Variants in LTBP1 observed in about 807,000 individuals in gnomAD.
LTBP1 encodes the protein latent transforming growth factor beta binding protein 1.
LTBP1 carries 129 observed loss-of-function variants against 207.6 expected under a neutral mutation model. That is an observed-to-expected ratio of 0.62 (90% CI 0.54 to 0.72). The LOEUF (loss-of-function observed/expected upper bound fraction) is 0.72. LTBP1 is among the 30% of genes least tolerant of loss of function. LTBP1 has a pLI of 0.00. For missense variants in LTBP1, 2,281 were observed against 2,217.2 expected (o/e 1.03, Z -0.58); for synonymous variants, 963 against 833.7 (o/e 1.16, Z -2.67).
chr2:33,057,466 G>A (rs1029229134), intron 3 of LTBP1, among the ~76,000 whole-genome samples: 9 of 152,234 alleles, frequency 5.9e-5, no homozygotes, highest in Non-Finnish European at 1.0e-4. Flanking sequence ...ACTGGGCGCC[G>A]TGGAGCAGGG....
intron 2 of LTBP1, among the ~76,000 whole-genome samples, chr2:32,961,718 G>A (rs1257829162): frequency 1.3e-5 from 2 of 152,120 alleles, no homozygotes; most frequent in African/African-American, 4.8e-5. Context: ...GGCTGAGGCT[G>A]GCGGATCACC....
chr2:33,324,816 C>T (rs929402593), intron 24 of LTBP1, among the ~76,000 whole-genome samples: 1 of 151,258 alleles, frequency 6.6e-6, no homozygotes, highest in Admixed American at 6.6e-5. Flanking sequence ...ATTCTCCTGC[C>T]TCACCCTCCT....
intron 7 of LTBP1, among the ~76,000 whole-genome samples, chr2:33,209,126 G>T (rs187006109): frequency 6.6e-6 from 1 of 152,168 alleles, no homozygotes; most frequent in African/African-American, 2.4e-5. Context: ...GCCTGCCTTG[G>T]CCTCCCAAAG....
chr2:32,951,892 A>G (rs1677165064), intron 2 of LTBP1, among the ~76,000 whole-genome samples: 1 of 152,206 alleles, frequency 6.6e-6, no homozygotes, highest in Non-Finnish European at 1.5e-5. Context: ...GGTATGGTTT[A>G]TTACACATAA....
chr2:33,229,336 G>A (rs932032090), intron 9 of LTBP1, among the ~76,000 whole-genome samples: 6 of 152,136 alleles, frequency 3.9e-5, no homozygotes, highest in Non-Finnish European at 7.4e-5. Flanking sequence ...TTTGCTGGGT[G>A]TGGTGGTGCA....
Position 33,021,127 on chromosome 2 carries a change from A to G in LTBP1, c.784A>G (p.Arg262Gly), listed in dbSNP as rs1349400218. 4 of 1,613,882 alleles carry G rather than the reference A, an allele frequency of 2.5e-6. No individual in the cohort carries two copies. Among genetic ancestry groups the G allele is most frequent in the African/African-American group, 1.3e-5 (1 of 74,916 alleles). Residue 262 changes from arginine (R) to glycine (G), a missense_variant, in exon 3 of 34, where the codon AGA becomes GGA. Around this residue, in one of 3 missense-constraint regions of LTBP1, gnomAD observed 555 missense variants for 491.0 expected, o/e 1.13. Transcript: ENST00000404816. ...TSSKKADTLP[R>G]VSPVAQMTLT... ...ATCTAAGAAGGCAGACACTCTACCA[A>G]GAGTCAGCCCTGTGGCCCAGATGAC...
At chr2:33,113,520 T>C (rs945911972) in intron 4 of LTBP1, among the ~76,000 whole-genome samples, 1 of 152,204 alleles carries the variant, frequency 6.6e-6, no homozygotes, top group Admixed American at 6.5e-5. Flanking sequence ...GTGCTTTCTT[T>C]TGGGAGGGAT....
At chr2:33,299,948 A>G (rs1019919137) in intron 20 of LTBP1, among the ~76,000 whole-genome samples, 1 of 152,234 alleles carries the variant, frequency 6.6e-6, no homozygotes, top group Non-Finnish European at 1.5e-5. Flanking sequence ...GTTACTTTGA[A>G]AATGAGCCAG....
At chr2:33,359,040 T>C (rs1423000939) in intron 26 of LTBP1, among the ~76,000 whole-genome samples, 1 of 152,208 alleles carries the variant, frequency 6.6e-6, no homozygotes, top group Non-Finnish European at 1.5e-5. Context: ...TAAAACCACT[T>C]CGTAAACTGC....
intron 9 of LTBP1, among the ~76,000 whole-genome samples, chr2:33,222,461 T>C (rs944509844): frequency 6.6e-6 from 1 of 152,226 alleles, no homozygotes; most frequent in African/African-American, 2.4e-5. Flanking sequence ...TTCATGGGCG[T>C]GTGCACACAT....
intron 5 of LTBP1, among the ~76,000 whole-genome samples, chr2:33,140,943 C>A (rs570498747): frequency 1.3e-5 from 2 of 152,326 alleles, no homozygotes; most frequent in East Asian, 3.9e-4. Context: ...GGATTACAGG[C>A]GTAAGCCACC....
At chr2:33,246,698 C>G (rs1223164597) in intron 10 of LTBP1, among the ~76,000 whole-genome samples, 2 of 152,112 alleles carry the variant, frequency 1.3e-5, no homozygotes, top group Admixed American at 6.5e-5. Flanking sequence ...CAAGGAACAA[C>G]GGGAAGCACT....
intron 2 of LTBP1, among the ~76,000 whole-genome samples, chr2:33,012,981 G>A (rs980111220): frequency 2.6e-5 from 4 of 152,268 alleles, no homozygotes; most frequent in Admixed American, 2.0e-4. Context: ...AAAGCTGGTA[G>A]TATCACTTTA....
chr2:33,316,424 AG>A (rs796581648), intron 24 of LTBP1, among the ~76,000 whole-genome samples: 22 of 152,370 alleles, frequency 1.4e-4, no homozygotes, highest in African/African-American at 4.8e-4. Context: ...GCCAGCAACC[AG>A]GTTCATCTGA....
intron 11 of LTBP1, among the ~76,000 whole-genome samples, chr2:33,253,663 G>T (rs753352616): frequency 1.3e-5 from 2 of 152,174 alleles, no homozygotes; most frequent in South Asian, 4.2e-4. Flanking sequence ...AACTCTCACA[G>T]GGCCATGTAG....
At chr2:33,129,187 A>ATGTT (rs1252042533) in intron 4 of LTBP1, among the ~76,000 whole-genome samples, 3 of 152,194 alleles carry the variant, frequency 2.0e-5, no homozygotes, top group African/African-American at 7.2e-5. Context: ...GCTTTTTGAC[A>ATGTT]TGTTCATGGT....
intron 5 of LTBP1, among the ~76,000 whole-genome samples, chr2:33,159,846 C>T (rs773950283): frequency 2.0e-5 from 3 of 152,042 alleles, no homozygotes; most frequent in Non-Finnish European, 4.4e-5. Context: ...TTCCATGTAC[C>T]GATTAGAAAA....
intron 4 of LTBP1, among the ~76,000 whole-genome samples, chr2:33,122,273 G>C (rs1480331010): frequency 1.3e-5 from 2 of 152,158 alleles, no homozygotes; most frequent in Non-Finnish European, 2.9e-5. Flanking sequence ...GAAATGTGTT[G>C]TTTTTCCTAG....
chr2:33,285,828 C>G (rs1383003726), intron 19 of LTBP1: 1 of 151,560 alleles, frequency 6.6e-6, no homozygotes, highest in Non-Finnish European at 1.5e-5. Context: ...CTGGGCCCAC[C>G]CTGCTTAGCT....
Sources: allele counts gnomAD v4.1 joint callset (sites outside exome capture counted in the v4.1 genomes callset), GRCh38; gene constraint gnomAD v4.1.1; regional missense constraint gnomAD v4.1.1; transcripts MANE v1.5; gene names NCBI Gene and HGNC (gene_info 2026-07-23, HGNC 2026-07-21).